PAX5: variants seen among roughly 807,000 people sequenced by gnomAD.
The protein encoded by PAX5 is paired box protein Pax-5.
In PAX5, 9 loss-of-function variants were observed where a neutral mutation model predicts 43.7. The ratio of observed to expected loss-of-function variants is 0.21; its 90% CI spans 0.12 to 0.36. The LOEUF is 0.36. Ranked by LOEUF, PAX5 falls within the 10% of genes least tolerant of loss-of-function variation. The pLI is 1.00. For missense variants in PAX5, 383 were observed against 532.7 expected, an observed-to-expected ratio of 0.72 and a Z score of 2.77; for synonymous variants, 228 against 214.3, an observed-to-expected ratio of 1.06 and a Z score of -0.56.
At chr9:36,885,472 G>A (rs1826834834) in intron 7 of PAX5, among the ~76,000 whole-genome samples, 1 of 152,200 alleles carries the variant, frequency 6.6e-6, no homozygotes, top group Non-Finnish European at 1.5e-5. Context: ...AACTGTGAGT[G>A]AGGCACACAC....
At chr9:36,987,166 T>C (rs1167885022) in intron 5 of PAX5, among the ~76,000 whole-genome samples, 1 of 152,160 alleles carries the variant, frequency 6.6e-6, no homozygotes, top group Non-Finnish European at 1.5e-5. Context: ...ATACGCTGCA[T>C]TCAGGGAAAG....
intron 8 of PAX5, among the ~76,000 whole-genome samples, chr9:36,875,149 C>T (rs904132236): frequency 1.3e-5 from 2 of 152,194 alleles, no homozygotes; most frequent in African/African-American, 4.8e-5. Context: ...ACTCTAACAG[C>T]GCTACCACTC....
At chr9:37,026,717 C>G in intron 1 of PAX5, 1 of 1,276,308 alleles carries the variant, frequency 7.8e-7, no homozygotes, top group Non-Finnish European at 1.0e-6. Flanking sequence ...TTCGGGGTCT[C>G]TCTCAGAGCC....
chr9:37,023,247 G>A (rs969555534), intron 1 of PAX5, among the ~76,000 whole-genome samples: 3 of 152,148 alleles, frequency 2.0e-5, no homozygotes, highest in African/African-American at 7.2e-5. Context: ...CACACAACGG[G>A]AGGCAATAAG....
intron 6 of PAX5, among the ~76,000 whole-genome samples, chr9:36,959,506 C>T (rs1833773493): frequency 6.6e-6 from 1 of 152,218 alleles, no homozygotes; most frequent in African/African-American, 2.4e-5. Flanking sequence ...GTTGCCTCTT[C>T]CGCACAAACT....
chr9:37,033,591 T>A (rs1841213218), intron 1 of PAX5, among the ~76,000 whole-genome samples: 1 of 93,422 alleles, frequency 1.1e-5, no homozygotes, highest in Non-Finnish European at 2.2e-5. Flanking sequence ...ACCCCACGAG[T>A]ATAAAGATAC....
At chr9:37,019,465 C>A (rs1165826093) in intron 2 of PAX5, among the ~76,000 whole-genome samples, 1 of 152,176 alleles carries the variant, frequency 6.6e-6, no homozygotes, top group Non-Finnish European at 1.5e-5. Context: ...AGCTGCCAGA[C>A]CCCTGGTCCT....
At chr9:36,849,143 G>C (rs563911437) in intron 8 of PAX5, among the ~76,000 whole-genome samples, 3 of 152,238 alleles carry the variant, frequency 2.0e-5, no homozygotes, top group African/African-American at 4.8e-5. Flanking sequence ...GCTTGGCCCT[G>C]CAGGTCCGTT....
At chr9:37,002,110 G>T (rs1195544421) in intron 5 of PAX5, among the ~76,000 whole-genome samples, 3 of 151,980 alleles carry the variant, frequency 2.0e-5, no homozygotes, top group Non-Finnish European at 4.4e-5. Context: ...AAGATGAGAT[G>T]ATTATTAATT....
chr9:37,015,146 T>C lies in PAX5; in HGVS notation c.261A>G (p.Lys87=). Residue 87 remains lysine, a synonymous_variant, in exon 3 of 10, where the codon AAA becomes AAG. Coordinates refer to ENST00000358127, the MANE Select transcript of PAX5 (RefSeq NM_016734.3). The surrounding 1 kb of genome is among the most constrained non-coding windows in gnomAD (Gnocchi z 4.4). Reference sequence around the variant, plus strand: ...CCACTTTGGGTGTGGCGACCTTTGGTTTGGATCCTCCAATTACCCCAGGCT... The same window carrying C: ...CCACTTTGGGTGTGGCGACCTTTGGCTTGGATCCTCCAATTACCCCAGGCT... The part of the protein sequence containing the change: ...SIKPGVIGGS[K]PKVATPKVVE... 6.2e-7 allele frequency: 1 copy of C among 1,614,236 alleles called. No homozygotes were observed. The highest frequency in any genetic ancestry group is 8.5e-7 in the Non-Finnish European group (1 of 1,180,040).
intron 8 of PAX5, among the ~76,000 whole-genome samples, chr9:36,854,901 G>A (rs994930684): frequency 3.9e-5 from 6 of 152,218 alleles, no homozygotes; most frequent in Non-Finnish European, 8.8e-5. Flanking sequence ...CCCGAGAGCC[G>A]CGGACCCCAC....
chr9:37,008,907 A>C (rs996375079), intron 3 of PAX5, among the ~76,000 whole-genome samples: 2 of 152,210 alleles, frequency 1.3e-5, no homozygotes, highest in Admixed American at 6.5e-5. Context: ...ACCTGGAAGT[A>C]AGCTGGCATC....
chr9:36,960,130 A>T (rs561225876), intron 6 of PAX5, among the ~76,000 whole-genome samples: 1 of 152,364 alleles, frequency 6.6e-6, no homozygotes, highest in South Asian at 2.1e-4. Flanking sequence ...AAGGCCTCAC[A>T]GGGCAGGCAG....
At chr9:36,925,651 T>C (rs892764017) in intron 6 of PAX5, among the ~76,000 whole-genome samples, 6 of 152,156 alleles carry the variant, frequency 3.9e-5, no homozygotes, top group African/African-American at 1.4e-4. Flanking sequence ...CAAAAATCAA[T>C]TCCAGGTGGA....
chr9:37,026,848 T>C (rs987153590), intron 1 of PAX5: 4 of 409,172 alleles, frequency 9.8e-6, no homozygotes, highest in African/African-American at 8.6e-5. Context: ...AAGCAGCAGC[T>C]CCGGGCCCAG....
chr9:36,976,672 C>T (rs560767024), intron 5 of PAX5, among the ~76,000 whole-genome samples: 1 of 152,344 alleles, frequency 6.6e-6, no homozygotes, highest in South Asian at 2.1e-4. Flanking sequence ...CATTATTCAG[C>T]CATTTGTTTC....
intron 8 of PAX5, among the ~76,000 whole-genome samples, chr9:36,866,590 G>A (rs544519187): frequency 2.3e-4 from 35 of 152,084 alleles, no homozygotes; most frequent in Non-Finnish European, 4.1e-4. Context: ...AGAAGCCAGG[G>A]CATCCAGGAA....
intron 8 of PAX5, among the ~76,000 whole-genome samples, chr9:36,873,752 G>A (rs973853374): frequency 2.0e-5 from 3 of 152,222 alleles, no homozygotes; most frequent in African/African-American, 7.2e-5. Flanking sequence ...TCTCACCAGT[G>A]TCCGCTGGAC....
chr9:36,928,292 G>A (rs1342377768), intron 6 of PAX5, among the ~76,000 whole-genome samples: 1 of 152,148 alleles, frequency 6.6e-6, no homozygotes, highest in South Asian at 2.1e-4. Flanking sequence ...ACCTCCGCCT[G>A]GAGGGTCCCT....
Sources: gnomAD v4.1 joint callset for allele counts (sites outside exome capture counted in the v4.1 genomes callset) on GRCh38, gnomAD v4.1.1 for gene constraint, Gnocchi (gnomAD v3.1) non-coding constraint, MANE v1.5 for transcripts, NCBI Gene and HGNC (gene_info 2026-07-23, HGNC 2026-07-21) for gene names.